Variants in CDH20 observed in about 807,000 individuals in gnomAD.
CDH20 encodes the protein cadherin-20.
Under a neutral mutation model 74.2 loss-of-function variants are expected in CDH20, and 29 were observed. That is an observed-to-expected ratio of 0.39 (90% confidence interval 0.29 to 0.53). The LOEUF (loss-of-function observed/expected upper bound fraction) is 0.53. Among genes scored for constraint, CDH20 ranks in the 20% least tolerant of loss-of-function variants. The pLI, the probability that CDH20 is intolerant of heterozygous loss-of-function variation, is 0.69. For missense variants in CDH20, 988 were observed against 1,048.3 expected (o/e 0.94, Z 0.79); for synonymous variants, 469 against 405.4 (o/e 1.16, Z -1.88).
intron 1 of CDH20, chr18:61,405,148 G>A: frequency 1.7e-6 from 1 of 603,114 alleles, no homozygotes; most frequent in Non-Finnish European, 3.1e-6. Context: ...TTTATAACAA[G>A]TTAGAGCCTA....
chr18:61,488,081 C>CATATAT (rs71178973), intron 1 of CDH20, among the ~76,000 whole-genome samples: 153 of 148,888 alleles, frequency 1.0e-3, no homozygotes, highest in African/African-American at 3.3e-3. Context: ...TACGTACATA[C>CATATAT]ATATATATAT....
At chr18:61,416,139 A>AT (rs1453595774) in intron 1 of CDH20, among the ~76,000 whole-genome samples, 2 of 152,030 alleles carry the variant, frequency 1.3e-5, no homozygotes, top group Non-Finnish European at 2.9e-5. Context: ...GCAAGATTTA[A>AT]TTTTTTTCTG....
At chr18:61,441,213 C>A (rs755594412) in intron 1 of CDH20, among the ~76,000 whole-genome samples, 34 of 152,128 alleles carry the variant, frequency 2.2e-4, no homozygotes, top group Non-Finnish European at 3.7e-4. Flanking sequence ...TTAAAATTCA[C>A]CACCTCAATT....
chr18:61,345,607 G>A (rs1026952057), intron 1 of CDH20, among the ~76,000 whole-genome samples: 2 of 152,158 alleles, frequency 1.3e-5, no homozygotes, highest in Non-Finnish European at 2.9e-5. Flanking sequence ...TTGTGAAGTG[G>A]AATGGAGATT....
At chr18:61,506,195 G>A (rs975901527) in intron 5 of CDH20, among the ~76,000 whole-genome samples, 1 of 152,212 alleles carries the variant, frequency 6.6e-6, no homozygotes, top group East Asian at 1.9e-4. Flanking sequence ...TTATTGGGAT[G>A]AGGAAAACTG....
intron 10 of CDH20, among the ~76,000 whole-genome samples, chr18:61,548,037 G>A (rs1250873661): frequency 6.6e-6 from 1 of 152,092 alleles, no homozygotes; most frequent in Non-Finnish European, 1.5e-5. Context: ...TCTGATTAGA[G>A]AAAAACCTGC....
chr18:61,386,753 TTTAC>T (rs1188156442), intron 1 of CDH20, among the ~76,000 whole-genome samples: 11 of 152,294 alleles, frequency 7.2e-5, no homozygotes, highest in Non-Finnish European at 1.5e-4. Context: ...TGTTTGAATA[TTTAC>T]TTACTTAAAA....
At chr18:61,369,222 G>A (rs148184877) in intron 1 of CDH20, among the ~76,000 whole-genome samples, 22 of 152,196 alleles carry the variant, frequency 1.4e-4, no homozygotes, top group Non-Finnish European at 2.6e-4. Context: ...GAAAACTTGC[G>A]TGATTTATCC....
At chr18:61,431,170 C>G (rs1913239194) in intron 1 of CDH20, among the ~76,000 whole-genome samples, 2 of 152,108 alleles carry the variant, frequency 1.3e-5, no homozygotes, top group Admixed American at 1.3e-4. Context: ...CTGCAACCTC[C>G]CCTTCCACAG....
chr18:61,418,020 A>G (rs1467886442), intron 1 of CDH20, among the ~76,000 whole-genome samples: 1 of 152,248 alleles, frequency 6.6e-6, no homozygotes. Context: ...TTGACTTGAA[A>G]TAATCATAAT....
At chr18:61,376,566 T>TA (rs1301726656) in intron 1 of CDH20, among the ~76,000 whole-genome samples, 3 of 151,454 alleles carry the variant, frequency 2.0e-5, no homozygotes, top group Non-Finnish European at 3.0e-5. Flanking sequence ...AAATTATTAT[T>TA]AAAAACACAT....
chr18:61,408,638 T>TACCAGC (rs1230232467), intron 1 of CDH20, among the ~76,000 whole-genome samples: 1 of 152,214 alleles, frequency 6.6e-6, no homozygotes, highest in African/African-American at 2.4e-5. Context: ...ACTTGTTTCT[T>TACCAGC]ACCAGCATTT....
intron 1 of CDH20, among the ~76,000 whole-genome samples, chr18:61,409,252 G>T (rs1294543257): frequency 6.6e-6 from 1 of 152,142 alleles, no homozygotes; most frequent in East Asian, 1.9e-4. Context: ...GTGGAGAAGG[G>T]AGGTCCCCAC....
At chr18:61,346,401 T>C (rs1324059191) in intron 1 of CDH20, among the ~76,000 whole-genome samples, 1 of 152,188 alleles carries the variant, frequency 6.6e-6, no homozygotes, top group African/African-American at 2.4e-5. Context: ...GAAATATTTA[T>C]ACCAAATTGA....
At chr18:61,426,533 A>G (rs1057343180) in intron 1 of CDH20, among the ~76,000 whole-genome samples, 2 of 152,130 alleles carry the variant, frequency 1.3e-5, no homozygotes, top group Admixed American at 6.5e-5. Context: ...TTCCAACAAA[A>G]CCTAAGTAAG....
chr18:61,390,589 C>T (rs756550462), intron 1 of CDH20, among the ~76,000 whole-genome samples: 26 of 152,100 alleles, frequency 1.7e-4, no homozygotes, highest in Non-Finnish European at 3.4e-4. Context: ...AACTGTGTTA[C>T]AAAATAACAG....
intron 1 of CDH20, among the ~76,000 whole-genome samples, chr18:61,415,837 A>G (rs980395711): frequency 6.6e-6 from 1 of 152,248 alleles, no homozygotes; most frequent in Admixed American, 6.5e-5. Flanking sequence ...CTCTTATACT[A>G]TTCTTAAAAA....
At chr18:61,358,859 G>T (rs1910588090) in intron 1 of CDH20, among the ~76,000 whole-genome samples, 1 of 151,974 alleles carries the variant, frequency 6.6e-6, no homozygotes, top group Non-Finnish European at 1.5e-5. Flanking sequence ...ATATTCACTG[G>T]ACTTTTGGTT....
At chr18:61,511,474 G>C (rs149933139) in intron 6 of CDH20, among the ~76,000 whole-genome samples, 1 of 152,004 alleles carries the variant, frequency 6.6e-6, no homozygotes, top group Admixed American at 6.6e-5. Flanking sequence ...ATGAGCCACC[G>C]CAACCAGCTT....
Sources: allele counts gnomAD v4.1 joint callset (sites outside exome capture counted in the v4.1 genomes callset), GRCh38; gene constraint gnomAD v4.1.1; transcripts MANE v1.5; gene names NCBI Gene and HGNC (gene_info 2026-07-23, HGNC 2026-07-21).